The following EPHA5 variants were observed in gnomAD, a reference collection of about 807,000 sequenced individuals.
EPHA5 encodes the protein ephrin type-A receptor 5.
In EPHA5, 60 loss-of-function variants were observed where a neutral mutation model predicts 105.0. The ratio of observed to expected loss-of-function variants is 0.57; its 90% CI spans 0.46 to 0.71. The LOEUF is 0.71. EPHA5 is among the 30% of genes least tolerant of loss of function. EPHA5 has a pLI of 0.00. For synonymous variants in EPHA5, 513 were observed against 449.1 expected (o/e 1.14, Z -1.80); for missense variants, 1,218 against 1,274.7 (o/e 0.96, Z 0.68).
chr4:65,526,714 G>A (rs1735266076), intron 3 of EPHA5, among the ~76,000 whole-genome samples: 1 of 151,904 alleles, frequency 6.6e-6, no homozygotes, highest in East Asian at 1.9e-4. Context: ...AATGTCATGA[G>A]AGCCAAACTT....
chr4:65,405,196 G>A (rs1193358862), intron 7 of EPHA5, among the ~76,000 whole-genome samples: 1 of 152,006 alleles, frequency 6.6e-6, no homozygotes, highest in East Asian at 1.9e-4. Context: ...ATTATAAGAG[G>A]AATATGAACA....
intron 5 of EPHA5, among the ~76,000 whole-genome samples, chr4:65,421,289 G>A (rs529769950): frequency 6.6e-6 from 1 of 152,080 alleles, no homozygotes; most frequent in Admixed American, 6.6e-5. Context: ...GAATATTTGA[G>A]TCAAAGTTCT....
intron 10 of EPHA5, 49 bp from the exon 11 acceptor site, chr4:65,365,251 T>C (rs746116767): frequency 6.5e-7 from 1 of 1,529,590 alleles, no homozygotes; most frequent in Non-Finnish European, 9.0e-7. Context: ...AAATTGTTAG[T>C]CTATTAACAC....
At chr4:65,426,062 T>C (rs1292622919) in intron 5 of EPHA5, among the ~76,000 whole-genome samples, 1 of 152,154 alleles carries the variant, frequency 6.6e-6, no homozygotes, top group Admixed American at 6.6e-5. Context: ...TTCCTGGCCT[T>C]CAGGGAGTTT....
intron 2 of EPHA5, among the ~76,000 whole-genome samples, chr4:65,638,174 C>T (rs1304010811): frequency 1.3e-5 from 2 of 152,062 alleles, no homozygotes; most frequent in South Asian, 4.1e-4. Flanking sequence ...CATACAATTG[C>T]TTTTTTATTA....
intron 3 of EPHA5, among the ~76,000 whole-genome samples, chr4:65,576,619 G>A (rs1741083827): frequency 6.6e-6 from 1 of 152,200 alleles, no homozygotes; most frequent in African/African-American, 2.4e-5. Context: ...TCCAAATAAG[G>A]CAGATTTGTG....
rs1719496755 is a variant in EPHA5, at chr4:65,319,824, T to TTAGAATCAACATTTGTTAGAATA, written c.*4289_*4290insTATTCTAACAAATGTTGATTCTA. 1 of 229,084 alleles carries TTAGAATCAACATTTGTTAGAATA rather than the reference T, an allele frequency of 4.4e-6. No homozygotes were observed. Among genetic ancestry groups the TTAGAATCAACATTTGTTAGAATA allele is most frequent in the Admixed American group, 5.7e-5 (1 of 17,578 alleles). 14.2% of individuals were successfully genotyped at this position (229,084 alleles called of 1,614,324 possible). A position where few individuals can be genotyped will look rare whatever the true frequency, so the allele number is the denominator to read the frequency against. On this transcript the variant is annotated 3_prime_UTR_variant, in exon 17 of 17. Coordinates refer to ENST00000613740, the MANE Select transcript of EPHA5 (RefSeq NM_001281766.3). ...GTAAAAATACTAACAAATGACTGAG[T>TTAGAATCAACATTTGTTAGAATA]CTAAGTATTCTCAGGCTCTTATAAA...
chr4:65,576,222 T>G (rs1239945320), intron 3 of EPHA5, among the ~76,000 whole-genome samples: 1 of 151,988 alleles, frequency 6.6e-6, no homozygotes, highest in Non-Finnish European at 1.5e-5. Context: ...ATCAAGGGTA[T>G]GCATGACATT....
chr4:65,467,306 G>GT (rs1728814858), intron 5 of EPHA5, among the ~76,000 whole-genome samples: 1 of 152,108 alleles, frequency 6.6e-6, no homozygotes, highest in East Asian at 1.9e-4. Context: ...TCCAACAGTG[G>GT]TAGATTTATT....
chr4:65,431,552 C>A (rs187536936), intron 5 of EPHA5, among the ~76,000 whole-genome samples: 2 of 152,104 alleles, frequency 1.3e-5, no homozygotes, highest in Admixed American at 1.3e-4. Flanking sequence ...GGTCTTCCCA[C>A]CGAAGAAAAA....
chr4:65,471,975 GC>G (rs1195613560), intron 5 of EPHA5, among the ~76,000 whole-genome samples: 10 of 151,974 alleles, frequency 6.6e-5, no homozygotes, highest in Non-Finnish European at 1.5e-4. Context: ...AAATTAACCA[GC>G]GATAACCCAA....
At chr4:65,586,828 T>C (rs1742169485) in intron 3 of EPHA5, among the ~76,000 whole-genome samples, 1 of 152,092 alleles carries the variant, frequency 6.6e-6, no homozygotes, top group Admixed American at 6.6e-5. Flanking sequence ...AATTCTTTTC[T>C]ACAGACCTGG....
At chr4:65,560,883 G>GT (rs1434192559) in intron 3 of EPHA5, among the ~76,000 whole-genome samples, 1 of 151,942 alleles carries the variant, frequency 6.6e-6, no homozygotes, top group Non-Finnish European at 1.5e-5. Flanking sequence ...CAGTGATTTT[G>GT]TTTTTGTTAA....
chr4:65,575,802 T>A (rs1740833314), intron 3 of EPHA5, among the ~76,000 whole-genome samples: 1 of 151,214 alleles, frequency 6.6e-6, no homozygotes, highest in African/African-American at 2.4e-5. Flanking sequence ...CATGGTGAAA[T>A]CCTGTCTCTA....
intron 11 of EPHA5, among the ~76,000 whole-genome samples, chr4:65,356,243 C>A (rs1213312597): frequency 1.3e-5 from 2 of 151,300 alleles, no homozygotes; most frequent in African/African-American, 2.4e-5. Flanking sequence ...CTTCTTTCTG[C>A]CTATCTTTTT....
Position 65,490,642 on chromosome 4 carries a change from C to T in EPHA5, c.1137G>A (p.Pro379=), listed in dbSNP as rs747980985. The T allele has an allele frequency of 1.9e-5, 31 of 1,613,944 alleles. No individual in the cohort carries two copies. Among genetic ancestry groups the T allele is most frequent in the Non-Finnish European group, 2.3e-5 (27 of 1,179,998 alleles). ...NETSVFLEWI[P]PADTGGRKDV... ...CTTTCCTTCCACCAGTGTCAGCAGG[C>T]GGAATCCATTCCAGAAAGACACTAG... Residue 379 remains proline (P), a synonymous_variant, in exon 5 of 17, where the codon CCG becomes CCA. Coordinates refer to ENST00000613740, the MANE Select transcript of EPHA5 (RefSeq NM_001281766.3).
At chr4:65,375,084 G>T (rs1238047374) in intron 8 of EPHA5, among the ~76,000 whole-genome samples, 1 of 151,796 alleles carries the variant, frequency 6.6e-6, no homozygotes, top group Non-Finnish European at 1.5e-5. Context: ...AGCATTTTTA[G>T]TCCTGATTCC....
At chr4:65,397,999 C>A (rs969669581) in intron 8 of EPHA5, among the ~76,000 whole-genome samples, 3 of 152,132 alleles carry the variant, frequency 2.0e-5, no homozygotes, top group African/African-American at 7.2e-5. Flanking sequence ...ATGAAATGAG[C>A]ATGAGCCAGG....
chr4:65,573,369 C>CCACTG, intron 3 of EPHA5: 1 of 727,016 alleles, frequency 1.4e-6, no homozygotes, highest in South Asian at 2.2e-5. Flanking sequence ...TGAGATTGCG[C>CCACTG]CACTGCACTC....
Sources: allele counts gnomAD v4.1 joint callset (sites outside exome capture counted in the v4.1 genomes callset), GRCh38; gene constraint gnomAD v4.1.1; transcripts MANE v1.5; gene names NCBI Gene and HGNC (gene_info 2026-07-23, HGNC 2026-07-21).